Variants in GIPC2 observed in about 807,000 individuals in gnomAD.
The protein encoded by GIPC2 is GIPC PDZ domain containing family member 2.
In GIPC2, 30 loss-of-function variants were observed where a neutral mutation model predicts 30.6. That is an observed-to-expected ratio of 0.98 (90% CI 0.73 to 1.33). GIPC2 has a LOEUF of 1.33. GIPC2 is among the 40% of genes most tolerant of loss of function. The pLI, the probability that GIPC2 is intolerant of heterozygous loss-of-function variation, is 0.00. For missense variants in GIPC2, 414 were observed against 390.3 expected (o/e 1.06, Z -0.51); for synonymous variants, 167 against 150.0 (o/e 1.11, Z -0.83).
chr1:78,126,918 C>G (rs1311344983), intron 5 of GIPC2, among the ~76,000 whole-genome samples: 1 of 152,140 alleles, frequency 6.6e-6, no homozygotes, highest in Non-Finnish European at 1.5e-5. Flanking sequence ...GTTGAACGCT[C>G]TGGAACTGAC....
At chr1:78,081,637 T>G (rs80113363) in intron 2 of GIPC2, among the ~76,000 whole-genome samples, 3,936 of 152,208 alleles carry the variant, frequency 0.026, 49 homozygotes, top group Middle Eastern at 0.071. Context: ...GAGAGCGATA[T>G]AGAGCTTCAA....
At chr1:78,075,954 G>A (rs969754138) in intron 1 of GIPC2, among the ~76,000 whole-genome samples, 3 of 152,218 alleles carry the variant, frequency 2.0e-5, no homozygotes, top group South Asian at 4.1e-4. Context: ...TCATGTCAGC[G>A]TTGTTGCCAG....
intron 3 of GIPC2, among the ~76,000 whole-genome samples, chr1:78,096,130 G>A (rs189302813): frequency 4.6e-5 from 7 of 152,274 alleles, no homozygotes; most frequent in African/African-American, 1.7e-4. Context: ...TTTCCAGAAG[G>A]TGTAAGAAAA....
intron 1 of GIPC2, among the ~76,000 whole-genome samples, chr1:78,071,493 C>T (rs1394889081): frequency 8.0e-5 from 12 of 150,658 alleles, no homozygotes; most frequent in East Asian, 1.9e-4. Context: ...TTTGCTCCTC[C>T]TCCTCTTCTT....
At chr1:78,096,505 T>C (rs1040644164) in intron 3 of GIPC2, among the ~76,000 whole-genome samples, 23 of 151,400 alleles carry the variant, frequency 1.5e-4, no homozygotes, top group Admixed American at 5.2e-4. Flanking sequence ...TTTTTTTTTT[T>C]CCCATTGTCT....
At chr1:78,074,330 G>A (rs1292316074) in intron 1 of GIPC2, among the ~76,000 whole-genome samples, 1 of 152,166 alleles carries the variant, frequency 6.6e-6, no homozygotes, top group African/African-American at 2.4e-5. Context: ...TTGGGTTCAA[G>A]CAATATTCCT....
At chr1:78,112,539 C>T (rs375143472) in intron 3 of GIPC2, 1 of 518,998 alleles carries the variant, frequency 1.9e-6, no homozygotes, top group Non-Finnish European at 3.8e-6. Context: ...TACTCCAGGC[C>T]AACCAGGGCT....
At chr1:78,071,858 T>C (rs1219902345) in intron 1 of GIPC2, among the ~76,000 whole-genome samples, 4 of 152,290 alleles carry the variant, frequency 2.6e-5, no homozygotes, top group East Asian at 3.9e-4. Flanking sequence ...TCACTTAACA[T>C]GTCTGAGCTG....
chr1:78,126,128 G>A (rs982654645), intron 5 of GIPC2, among the ~76,000 whole-genome samples, 166 bp downstream of exon 5: 4 of 152,154 alleles, frequency 2.6e-5, no homozygotes, highest in South Asian at 2.1e-4. Context: ...GTTCCTTACC[G>A]CTTTCTAGCT....
rs752262910 is a variant in GIPC2, at chr1:78,119,530, C to T, written c.714+31C>T. 2.3e-6 allele frequency: 3 copies of T among 1,308,080 alleles called. No homozygotes were observed. The Middle Eastern group carries it at 5.5e-4, about 239-fold the overall frequency. 81.0% of individuals were successfully genotyped at this position (1,308,080 alleles called of 1,614,324 possible). ...TTATGTTCATTTACTTCCTGTTCTG[C>T]TTGGAAATGTTGAGTTAGATAAAAT... On this transcript the variant is annotated intron_variant, in intron 4 of 5. Transcript: ENST00000370759.
intron 3 of GIPC2, among the ~76,000 whole-genome samples, chr1:78,100,780 A>G (rs893136041): frequency 3.3e-5 from 5 of 151,868 alleles, no homozygotes. Flanking sequence ...AAATACAAGA[A>G]TTAGCTGGAA....
At chr1:78,068,097 G>C (rs972830582) in intron 1 of GIPC2, among the ~76,000 whole-genome samples, 1 of 151,918 alleles carries the variant, frequency 6.6e-6, no homozygotes, top group Non-Finnish European at 1.5e-5. Flanking sequence ...GAATTGTTTT[G>C]TATTGCATTT....
intron 1 of GIPC2, among the ~76,000 whole-genome samples, chr1:78,064,536 C>T (rs1317386778): frequency 6.6e-6 from 1 of 152,046 alleles, no homozygotes; most frequent in Non-Finnish European, 1.5e-5. Context: ...AATTGTCCTA[C>T]ACTGTGAAGT....
At chr1:78,121,096 G>T (rs545619622) in intron 4 of GIPC2, among the ~76,000 whole-genome samples, 21 of 152,288 alleles carry the variant, frequency 1.4e-4, no homozygotes, top group African/African-American at 5.1e-4. Context: ...CCCTTTGAAT[G>T]ACTTTGTCTA....
chr1:78,096,388 G>C (rs915478915), intron 3 of GIPC2, among the ~76,000 whole-genome samples: 1 of 152,052 alleles, frequency 6.6e-6, no homozygotes, highest in African/African-American at 2.4e-5. Context: ...ATTTGATTTA[G>C]ACTCTTTGTA....
intron 1 of GIPC2, among the ~76,000 whole-genome samples, chr1:78,080,173 G>A (rs915644041): frequency 6.6e-6 from 1 of 151,988 alleles, no homozygotes; most frequent in Admixed American, 6.6e-5. Flanking sequence ...ATATAGGCTT[G>A]CCTATATTTT....
intron 3 of GIPC2, among the ~76,000 whole-genome samples, chr1:78,113,374 G>A (rs563890669): frequency 2.0e-5 from 3 of 152,190 alleles, no homozygotes; most frequent in East Asian, 1.9e-4. Flanking sequence ...ATGCCTGGCT[G>A]ATGAAATATT....
intron 3 of GIPC2, among the ~76,000 whole-genome samples, chr1:78,099,067 T>A (rs1662193798): frequency 1.3e-5 from 2 of 152,138 alleles, no homozygotes; most frequent in South Asian, 4.1e-4. Flanking sequence ...TTCCTAATAA[T>A]CTAGAAGGTA....
chr1:78,129,231 G>A (rs1046765679), intron 5 of GIPC2, among the ~76,000 whole-genome samples: 2 of 152,150 alleles, frequency 1.3e-5, no homozygotes, highest in African/African-American at 4.8e-5. Flanking sequence ...GAGGTAAAGT[G>A]TAAGGAAAGT....
Sources: gnomAD v4.1 joint callset for allele counts (sites outside exome capture counted in the v4.1 genomes callset) on GRCh38, gnomAD v4.1.1 for gene constraint, MANE v1.5 for transcripts, NCBI Gene and HGNC (gene_info 2026-07-23, HGNC 2026-07-21) for gene names.